Variants in CPAMD8 observed in about 807,000 individuals in gnomAD.
CPAMD8 encodes the protein C3 and PZP like alpha-2-macroglobulin domain containing 8, also known as C3 and PZP-like alpha-2-macroglobulin domain-containing protein 8.
A neutral mutation model predicts 224.7 loss-of-function variants in CPAMD8; 146 were observed. That is an observed-to-expected ratio of 0.65 (90% CI 0.57 to 0.75). The LOEUF is 0.75. CPAMD8 is among the 30% of genes least tolerant of loss of function. The pLI is 0.00. For missense variants in CPAMD8, 2,301 were observed against 2,537.5 expected (o/e 0.91, Z 2.00); for synonymous variants, 966 against 1,044.6 (o/e 0.92, Z 1.45).
intron 26 of CPAMD8, among the ~76,000 whole-genome samples, chr19:16,924,552 G>C (rs948251023): frequency 6.6e-6 from 1 of 152,116 alleles, no homozygotes. Context: ...TTTCAGCCTA[G>C]AGCAACCCCT....
At chr19:16,904,613 G>A in intron 30 of CPAMD8, 61 bp from the exon 31 acceptor site, 1 of 1,167,286 alleles carries the variant, frequency 8.6e-7, no homozygotes, top group East Asian at 2.3e-5. Flanking sequence ...GGCATCCCAT[G>A]GAGCGCATCC....
Position 16,897,692 on chromosome 19 carries a change from C to G in CPAMD8, c.5064G>C (p.Pro1688=), listed in dbSNP as rs1305553067. Residue 1688 remains proline, a splice_region_variant and synonymous_variant, in exon 39 of 42, where the codon CCG becomes CCC. Transcript: ENST00000443236. ...NEVERAPARG[P]GWFPGESGPA... ...GCGGCAGTGGCTCCGCGCACTCACC[C>G]GGGCCCCGGGCAGGGGCGCGCTCCA... The G allele has an allele frequency of 2.6e-6, 4 of 1,515,960 alleles. No individual in the cohort carries two copies. The highest frequency in any genetic ancestry group is 2.7e-6 in the Non-Finnish European group (3 of 1,125,568). The allele number at this position is 1,515,960 out of a possible 1,614,324, so 93.9% of individuals were successfully genotyped here.
intron 3 of CPAMD8, among the ~76,000 whole-genome samples, chr19:17,016,975 AC>A (rs2056829533): frequency 6.6e-6 from 1 of 151,810 alleles, no homozygotes; most frequent in Non-Finnish European, 1.5e-5. Context: ...ACAGACTGGT[AC>A]CAGTCAATGG....
chr19:16,997,505 C>CA (rs1379331317), intron 10 of CPAMD8, among the ~76,000 whole-genome samples, 167 bp from the exon 11 acceptor site: 1 of 152,114 alleles, frequency 6.6e-6, no homozygotes, highest in East Asian at 1.9e-4. Flanking sequence ...GAGGGTCCCT[C>CA]ACTGGATCTG....
chr19:16,977,344 C>G (rs1377544939), intron 15 of CPAMD8, 24 bp downstream of exon 15: 1 of 1,580,060 alleles, frequency 6.3e-7, no homozygotes, highest in Non-Finnish European at 8.7e-7. Flanking sequence ...GGCTGTGTCC[C>G]AGGTTCAGTG....
At chr19:17,000,789 C>T (rs2056286247) in intron 9 of CPAMD8, among the ~76,000 whole-genome samples, 1 of 152,178 alleles carries the variant, frequency 6.6e-6, no homozygotes, top group Non-Finnish European at 1.5e-5. Flanking sequence ...ACTGAGAAGG[C>T]TAGGTTGGTG....
intron 36 of CPAMD8, among the ~76,000 whole-genome samples, 198 bp downstream of exon 36, chr19:16,901,012 T>G (rs1335788392): frequency 7.8e-6 from 1 of 128,106 alleles, no homozygotes; most frequent in Non-Finnish European, 1.5e-5. Flanking sequence ...AGAGCAAGAC[T>G]ATGTCAAAAA....
At chr19:16,979,202 C>G (rs918520222) in intron 14 of CPAMD8, among the ~76,000 whole-genome samples, 9 of 151,426 alleles carry the variant, frequency 5.9e-5, no homozygotes, top group African/African-American at 2.2e-4. Flanking sequence ...ATCCAGTCAT[C>G]ATCCGCCCAC....
intron 9 of CPAMD8, 30 bp downstream of exon 9, chr19:17,002,236 C>G: frequency 6.9e-7 from 1 of 1,442,924 alleles, no homozygotes; most frequent in Non-Finnish European, 9.6e-7. Context: ...AGGGCCCCCC[C>G]AGTGTGCCCC....
intron 13 of CPAMD8, among the ~76,000 whole-genome samples, chr19:16,987,365 A>C (rs1031797572): frequency 2.0e-5 from 3 of 151,406 alleles, no homozygotes; most frequent in African/African-American, 7.3e-5. Flanking sequence ...GCAAGACAGC[A>C]GGACCCCCTC....
intron 14 of CPAMD8, 132 bp from the exon 15 acceptor site, chr19:16,977,672 G>T: frequency 1.6e-6 from 1 of 626,322 alleles, no homozygotes; most frequent in Non-Finnish European, 2.7e-6. Context: ...TGCATCTTTG[G>T]TTTTGAGATG....
chr19:17,005,734 G>A (rs774616706), intron 7 of CPAMD8, among the ~76,000 whole-genome samples: 2 of 152,214 alleles, frequency 1.3e-5, no homozygotes, highest in Non-Finnish European at 2.9e-5. Flanking sequence ...CCATAGCGGC[G>A]CCCACGGCTT....
At chr19:16,988,607 C>T (rs1321663726) in intron 13 of CPAMD8, among the ~76,000 whole-genome samples, 2 of 151,252 alleles carry the variant, frequency 1.3e-5, no homozygotes, top group African/African-American at 2.4e-5. Flanking sequence ...GAGACTCCAC[C>T]TCAAAAACAA....
chr19:16,894,577 G>T (rs755716172), intron 41 of CPAMD8: 5 of 427,712 alleles, frequency 1.2e-5, no homozygotes, highest in Admixed American at 2.4e-5. Context: ...CCAACTGGAT[G>T]GGGGACACAT....
At chr19:17,019,441 A>C (rs576529064) in intron 3 of CPAMD8, among the ~76,000 whole-genome samples, 53 of 152,244 alleles carry the variant, frequency 3.5e-4, no homozygotes, top group African/African-American at 1.2e-3. Context: ...GTGTCCTTTA[A>C]CTGAAACTAT....
In CPAMD8 at chr19:16,928,928, G is replaced by C; in HGVS notation, c.3144+14C>G. On this transcript the variant is annotated intron_variant, in intron 24 of 41. Transcript: ENST00000443236. ...GAGGCTTCTGCACAAGCCCCAGGCA[G>C]TTCTGCTGTATACCTGGATAAGGCC... The C allele has an allele frequency of 6.3e-7, 1 of 1,579,428 alleles. No homozygotes were observed. Among genetic ancestry groups the C allele is most frequent in the South Asian group, 1.2e-5 (1 of 85,096 alleles).
At position 16,945,753 on chromosome 19, in the gene CPAMD8, T is replaced by A. The variant is rs767338635; in HGVS notation, c.2663-74A>T. ...GGGGGCTGTCCCATCCCTATCCTTA[T>A]CCCAGATGTGTGTGCATGCATGCAT... is the stretch of plus-strand genomic sequence containing the variant. On this transcript the variant is annotated intron_variant, in intron 21 of 41. Transcript: ENST00000443236. The A allele has an allele frequency of 4.8e-5, 68 of 1,403,072 alleles. 1 individual carries two copies. The highest frequency in any genetic ancestry group is 4.9e-5 in the Non-Finnish European group (49 of 992,306). 86.9% of individuals were successfully genotyped at this position (1,403,072 alleles called of 1,614,324 possible). A position where few individuals can be genotyped will look rare whatever the true frequency, so the allele number is the denominator to read the frequency against.
chr19:16,991,814 C>T (rs1318137839), intron 12 of CPAMD8, among the ~76,000 whole-genome samples: 1 of 151,186 alleles, frequency 6.6e-6, no homozygotes, highest in Non-Finnish European at 1.5e-5. Context: ...AAGATTGCAC[C>T]ACTGCACTCC....
At chr19:16,896,907 G>A (rs959312638) in intron 39 of CPAMD8, 7 of 379,104 alleles carry the variant, frequency 1.8e-5, no homozygotes, top group African/African-American at 1.5e-4. Context: ...AGAGAAAGGA[G>A]ACAGGGCGTC....
Sources: gnomAD v4.1 joint callset for allele counts (sites outside exome capture counted in the v4.1 genomes callset) on GRCh38, gnomAD v4.1.1 for gene constraint, MANE v1.5 for transcripts, NCBI Gene and HGNC (gene_info 2026-07-23, HGNC 2026-07-21) for gene names.